Variants in CYP19A1 observed in about 807,000 individuals in gnomAD.
The protein encoded by CYP19A1 is cytochrome P450 family 19 subfamily A member 1, also known as aromatase.
In CYP19A1, 32 loss-of-function variants were observed where a neutral mutation model predicts 44.4. That is an observed-to-expected ratio of 0.72 (90% CI 0.54 to 0.97). CYP19A1 has a LOEUF of 0.97. Among genes scored for constraint, CYP19A1 ranks in the 50% least tolerant of loss-of-function variants. CYP19A1 has a pLI of 0.00. For missense variants in CYP19A1, 598 were observed against 637.8 expected, an observed-to-expected ratio of 0.94 and a Z score of 0.67; for synonymous variants, 212 against 215.6, an observed-to-expected ratio of 0.98 and a Z score of 0.14.
At chr15:51,325,062 A>C (rs1230059425) in intron 1 of CYP19A1, among the ~76,000 whole-genome samples, 1 of 152,144 alleles carries the variant, frequency 6.6e-6, no homozygotes, top group African/African-American at 2.4e-5. Flanking sequence ...AACCAGGTAA[A>C]ATTTCCAAGT....
chr15:51,250,593 A>T (rs374162724), intron 1 of CYP19A1, among the ~76,000 whole-genome samples: 2 of 152,164 alleles, frequency 1.3e-5, no homozygotes, highest in African/African-American at 4.8e-5. Context: ...GTTTTAAAAG[A>T]CTTCTTGATT....
At chr15:51,254,141 G>C (rs952485955) in intron 1 of CYP19A1, among the ~76,000 whole-genome samples, 6 of 152,164 alleles carry the variant, frequency 3.9e-5, no homozygotes, top group African/African-American at 1.4e-4. Context: ...AGTGATACGA[G>C]GAAAGTAAAG....
chr15:51,283,745 C>T (rs1167763755), intron 1 of CYP19A1, among the ~76,000 whole-genome samples: 1 of 152,222 alleles, frequency 6.6e-6, no homozygotes, highest in Non-Finnish European at 1.5e-5. Context: ...AAATCAGTGT[C>T]GTTCTAAAGA....
intron 1 of CYP19A1, among the ~76,000 whole-genome samples, chr15:51,256,846 C>T (rs1022757658): frequency 2.0e-5 from 3 of 152,054 alleles, no homozygotes; most frequent in Non-Finnish European, 4.4e-5. Flanking sequence ...AAAAACAAAG[C>T]GATCAGGAAG....
rs569652058 is a variant in CYP19A1, at chr15:51,219,836, G to A, written c.629-1181C>T. ...GGAAATCTAGACTTTTAAAATACAC[G>A]CCTGTTTCACTTTAGAAGTGATGTC... On this transcript the variant is annotated intron_variant, in intron 5 of 9. Coordinates refer to ENST00000396402, the MANE Select transcript of CYP19A1 (RefSeq NM_000103.4). 5.3e-5 allele frequency among the ~76,000 whole-genome samples: 8 copies of A among 152,296 alleles called. No individual in the cohort carries two copies. In the South Asian group the frequency reaches 1.2e-3, roughly 24 times the overall value.
At chr15:51,275,790 T>A (rs569889752) in intron 1 of CYP19A1, among the ~76,000 whole-genome samples, 1 of 152,322 alleles carries the variant, frequency 6.6e-6, no homozygotes, top group South Asian at 2.1e-4. Context: ...CATGTAGTTA[T>A]TGAACAAGTT....
intron 1 of CYP19A1, among the ~76,000 whole-genome samples, chr15:51,297,064 C>A (rs1442285096): frequency 6.6e-6 from 1 of 152,118 alleles, no homozygotes; most frequent in Non-Finnish European, 1.5e-5. Flanking sequence ...GGCCAAGTGA[C>A]GACTTTTGTG....
At chr15:51,308,027 T>C (rs2036245338) in intron 1 of CYP19A1, among the ~76,000 whole-genome samples, 1 of 152,208 alleles carries the variant, frequency 6.6e-6, no homozygotes, top group South Asian at 2.1e-4. Context: ...CTCCCTGCTA[T>C]TAAATGAGAA....
At chr15:51,330,652 G>A (rs2036686109) in intron 1 of CYP19A1, among the ~76,000 whole-genome samples, 1 of 152,092 alleles carries the variant, frequency 6.6e-6, no homozygotes, top group Admixed American at 6.5e-5. Flanking sequence ...GAGTGAGGAT[G>A]TAGGGCACAA....
At chr15:51,330,987 C>A (rs930224701) in intron 1 of CYP19A1, among the ~76,000 whole-genome samples, 1 of 152,040 alleles carries the variant, frequency 6.6e-6, no homozygotes, top group African/African-American at 2.4e-5. Flanking sequence ...TGAGGAAGCG[C>A]AGATGAGGAG....
intron 1 of CYP19A1, among the ~76,000 whole-genome samples, chr15:51,259,173 G>T (rs959998185): frequency 6.6e-6 from 1 of 152,170 alleles, no homozygotes; most frequent in Non-Finnish European, 1.5e-5. Flanking sequence ...TGAAGTACTG[G>T]GTAGAGTTGG....
intron 1 of CYP19A1, among the ~76,000 whole-genome samples, chr15:51,270,710 G>T (rs2035091555): frequency 6.6e-6 from 1 of 152,140 alleles, no homozygotes; most frequent in Non-Finnish European, 1.5e-5. Context: ...CTCAACAGTT[G>T]GTTTCTTTCT....
intron 1 of CYP19A1, among the ~76,000 whole-genome samples, chr15:51,274,566 A>G (rs900922436): frequency 6.6e-6 from 1 of 152,234 alleles, no homozygotes; most frequent in African/African-American, 2.4e-5. Flanking sequence ...AAATACCATC[A>G]TATTTCCCAG....
chr15:51,222,411 G>C lies in CYP19A1; in HGVS notation c.566C>G (p.Thr189Ser). 6.2e-7 allele frequency: 1 copy of C among 1,614,146 alleles called. No individual in the cohort carries two copies. Among genetic ancestry groups the C allele is most frequent in the African/African-American group, 1.3e-5 (1 of 75,044 alleles). ...GTCCAGCATGACACGACGCAGAAGG[G>C]TCAACACGTCCACATAGCCCGATTC... Reference protein sequence around the residue: ...TNESGYVDVLTLLRRVMLDTS... With the variant: ...TNESGYVDVLSLLRRVMLDTS... Residue 189 changes from threonine to serine, a missense_variant, in exon 5 of 10, where the codon ACC becomes AGC. By Grantham distance (58) the Thr-to-Ser change is moderately conservative. Coordinates refer to ENST00000396402, the MANE Select transcript of CYP19A1 (RefSeq NM_000103.4).
chr15:51,239,694 TGA>T (rs145763918), intron 2 of CYP19A1, among the ~76,000 whole-genome samples: 1 of 146,648 alleles, frequency 6.8e-6, no homozygotes, highest in Non-Finnish European at 1.5e-5. Flanking sequence ...TGCTCTGGAG[TGA>T]GAGAGAGAGA....
intron 6 of CYP19A1, among the ~76,000 whole-genome samples, chr15:51,217,439 A>C (rs2031681888): frequency 6.6e-6 from 1 of 152,228 alleles, no homozygotes; most frequent in African/African-American, 2.4e-5. Context: ...TTCAAGTCAC[A>C]ATAAGCTCTG....
At chr15:51,299,841 G>T (rs1251889373) in intron 1 of CYP19A1, among the ~76,000 whole-genome samples, 2 of 152,162 alleles carry the variant, frequency 1.3e-5, no homozygotes, top group African/African-American at 4.8e-5. Context: ...CCAAATGGTT[G>T]TTGAGTCCAG....
chr15:51,330,309 G>A (rs2036680209), intron 1 of CYP19A1, among the ~76,000 whole-genome samples: 1 of 152,130 alleles, frequency 6.6e-6, no homozygotes, highest in Admixed American at 6.5e-5. Context: ...CATCGTTGAG[G>A]TGTGTTGTGG....
chr15:51,284,811 G>C (rs1241387178), intron 1 of CYP19A1, among the ~76,000 whole-genome samples: 1 of 152,198 alleles, frequency 6.6e-6, no homozygotes, highest in Admixed American at 6.5e-5. Flanking sequence ...TAATTATATG[G>C]GGAAGAAGAT....
Sources: gnomAD v4.1 joint callset for allele counts (sites outside exome capture counted in the v4.1 genomes callset) on GRCh38, gnomAD v4.1.1 for gene constraint, MANE v1.5 for transcripts, NCBI Gene and HGNC (gene_info 2026-07-23, HGNC 2026-07-21) for gene names.